Variants in HMCN1 observed in about 807,000 individuals in gnomAD.
The protein encoded by HMCN1 is hemicentin 1.
HMCN1 carries 321 observed loss-of-function variants against 625.9 expected under a neutral mutation model. The ratio of observed to expected loss-of-function variants is 0.51; its 90% CI spans 0.47 to 0.56. HMCN1 has a LOEUF of 0.56. HMCN1 is among the 20% of genes least tolerant of loss of function. HMCN1 has a pLI of 0.00. For synonymous variants in HMCN1, 2,425 were observed against 2,417.6 expected (o/e 1.00, Z -0.09); for missense variants, 6,588 against 6,887.3 (o/e 0.96, Z 1.54).
At chr1:185,750,188 C>T (rs1276388788) in intron 1 of HMCN1, among the ~76,000 whole-genome samples, 3 of 152,080 alleles carry the variant, frequency 2.0e-5, no homozygotes, top group African/African-American at 4.8e-5. Flanking sequence ...TTGGTAGAGC[C>T]TCATGTAAGT....
chr1:186,063,471 AAG>A (rs1346525208), intron 48 of HMCN1, among the ~76,000 whole-genome samples: 4 of 129,886 alleles, frequency 3.1e-5, no homozygotes, highest in Non-Finnish European at 5.0e-5. Context: ...GGAAGGAAGG[AAG>A]GAAGGAAGGA....
chr1:186,170,887 G>A (rs1038454021), intron 100 of HMCN1, among the ~76,000 whole-genome samples: 4 of 152,202 alleles, frequency 2.6e-5, no homozygotes, highest in African/African-American at 9.6e-5. Context: ...TGCTGATGTT[G>A]ATGCAGTCAG....
At chr1:186,129,362 T>C (rs1257772560) in intron 83 of HMCN1, among the ~76,000 whole-genome samples, 1 of 150,864 alleles carries the variant, frequency 6.6e-6, no homozygotes, top group Non-Finnish European at 1.5e-5. Flanking sequence ...AATATAAATT[T>C]TATAAATATT....
At chr1:185,745,343 G>A (rs890302714) in intron 1 of HMCN1, among the ~76,000 whole-genome samples, 4 of 152,208 alleles carry the variant, frequency 2.6e-5, no homozygotes, top group Non-Finnish European at 4.4e-5. Flanking sequence ...CCACGCATCA[G>A]CAGTCTTTCT....
At chr1:185,963,920 A>T (rs1291108219) in intron 13 of HMCN1, 25 bp downstream of exon 13, 2 of 1,598,222 alleles carry the variant, frequency 1.3e-6, no homozygotes, top group Non-Finnish European at 1.7e-6. Flanking sequence ...TTTAAAAGGC[A>T]ATTAAAATAG....
Position 186,145,763 on chromosome 1 carries a change from T to C in HMCN1, c.14448T>C (p.Ser4816=), listed in dbSNP as rs777155012. The change falls in exon 93 of 107, where the codon AGT becomes AGC. Residue 4816 remains serine (S), a synonymous_variant. Coordinates refer to ENST00000271588, the MANE Select transcript of HMCN1 (RefSeq NM_031935.3). Reference sequence around the variant, plus strand: ...CATTCTTGTTCACAGTGGATGGAAGTTGGGGAAGCTGGCATAGTTGGAGCC... The same window carrying C: ...CATTCTTGTTCACAGTGGATGGAAGCTGGGGAAGCTGGCATAGTTGGAGCC... ...CNTDMCPVDG[S]WGSWHSWSQC... 3.7e-6 allele frequency: 6 copies of C among 1,614,120 alleles called. No homozygotes were observed. The highest frequency in any genetic ancestry group is 5.1e-6 in the Non-Finnish European group (6 of 1,179,986).
chr1:186,038,793 T>C (rs1158288487), intron 37 of HMCN1, 36 bp from the exon 38 acceptor site: 1 of 1,374,880 alleles, frequency 7.3e-7, no homozygotes, highest in Non-Finnish European at 1.0e-6. Context: ...TTTAAAAAAT[T>C]TTTACATAGA....
chr1:185,804,364 C>T (rs1448809494), intron 1 of HMCN1, among the ~76,000 whole-genome samples: 1 of 151,868 alleles, frequency 6.6e-6, no homozygotes, highest in Non-Finnish European at 1.5e-5. Context: ...GAGTTGTGGT[C>T]TGTTTGACAG....
chr1:185,800,994 G>A (rs1312943252), intron 1 of HMCN1, among the ~76,000 whole-genome samples: 2 of 152,080 alleles, frequency 1.3e-5, no homozygotes, highest in Admixed American at 6.6e-5. Flanking sequence ...CCTGTACAAA[G>A]CAAAAGATGA....
intron 71 of HMCN1, among the ~76,000 whole-genome samples, chr1:186,109,693 A>G (rs982351260): frequency 2.0e-5 from 3 of 152,244 alleles, no homozygotes; most frequent in African/African-American, 7.2e-5. Flanking sequence ...GCCAGAGAAG[A>G]AAGTGATTCC....
intron 2 of HMCN1, among the ~76,000 whole-genome samples, chr1:185,858,632 T>TTTTTTTTTG (rs1558020125): frequency 8.3e-6 from 1 of 120,966 alleles, no homozygotes; most frequent in African/African-American, 3.3e-5. Context: ...TTTTTTTTTT[T>TTTTTTTTTG]TAGAGACGGG....
At position 186,114,086 on chromosome 1, in the gene HMCN1, A is replaced by T; in HGVS notation, c.11239A>T (p.Arg3747Ter). Residue 3747 changes from arginine (R) to a stop codon, truncating the protein, a stop_gained, in exon 73 of 107, where the codon AGA (arginine) becomes TGA (stop). Transcript: ENST00000271588. LOFTEE classifies it high-confidence loss of function. ...TGTGCCAACTCCAAGGATAACATGG[A>T]GAAAGGATGGAGCTGTTCTAGCTGG... ...EGVPTPRITW[R>*]KDGAVLAGNH... 6.2e-7 allele frequency: 1 copy of T among 1,614,130 alleles called. No homozygotes were observed. The highest frequency in any genetic ancestry group is 8.5e-7 in the Non-Finnish European group (1 of 1,179,978).
At chr1:186,072,833 GC>G (rs1658558335) in intron 52 of HMCN1, among the ~76,000 whole-genome samples, 1 of 152,220 alleles carries the variant, frequency 6.6e-6, no homozygotes, top group Admixed American at 6.5e-5. Context: ...TGCCCCTTGT[GC>G]CAGTTGGCCT....
chr1:185,778,448 T>C (rs1364940937), intron 1 of HMCN1, among the ~76,000 whole-genome samples: 1 of 151,474 alleles, frequency 6.6e-6, no homozygotes, highest in Non-Finnish European at 1.5e-5. Flanking sequence ...CTGCACCCAT[T>C]AACTCGTCAT....
chr1:186,164,154 C>G (rs1651714437), intron 97 of HMCN1, among the ~76,000 whole-genome samples: 1 of 152,074 alleles, frequency 6.6e-6, no homozygotes, highest in African/African-American at 2.4e-5. Context: ...CCTGCATGAG[C>G]AGGCAGACTT....
At chr1:185,738,562 A>G (rs980480378) in intron 1 of HMCN1, among the ~76,000 whole-genome samples, 5 of 152,164 alleles carry the variant, frequency 3.3e-5, no homozygotes, top group African/African-American at 1.2e-4. Flanking sequence ...CTGTTAGTCC[A>G]TGATGGATAT....
At chr1:185,962,484 G>A (rs376630926) in intron 11 of HMCN1, 34 bp from the exon 12 acceptor site, 30 of 1,588,864 alleles carry the variant, frequency 1.9e-5, no homozygotes, top group Non-Finnish European at 2.2e-5. Flanking sequence ...AGATAAATTG[G>A]CATTTTTCTA....
At chr1:186,187,763 T>A in intron 105 of HMCN1, 120 bp from the exon 106 acceptor site, 1 of 1,325,816 alleles carries the variant, frequency 7.5e-7, no homozygotes, top group Non-Finnish European at 1.1e-6. Flanking sequence ...TATGACTAAG[T>A]TCATTCATGG....
In HMCN1 at chr1:186,007,251, A is replaced by C; in HGVS notation, c.4599A>C (p.Lys1533Asn). 1 of 1,613,776 alleles carries C rather than the reference A, an allele frequency of 6.2e-7. No homozygotes were observed. Among genetic ancestry groups the C allele is most frequent in the Non-Finnish European group, 8.5e-7 (1 of 1,179,752 alleles). The change falls in exon 30 of 107, where the codon AAA becomes AAC. Residue 1533 changes from lysine to asparagine, a missense_variant. Physicochemically the swap from Lys to Asn is moderately conservative, Grantham distance 94. This residue lies in a region of HMCN1 where 4,628 missense variants were observed against 4,853.1 expected (regional missense o/e 0.95). Transcript: ENST00000271588. ...GTACTGTGTCTAATGCAGCTGGCAAACAAGCCAAGGATATAAAACTGACTA... is the reference window on the plus strand; with the variant it reads ...GTACTGTGTCTAATGCAGCTGGCAACCAAGCCAAGGATATAAAACTGACTA... ...YQCTVSNAAG[K>N]QAKDIKLTIY...
Sources: allele counts gnomAD v4.1 joint callset (sites outside exome capture counted in the v4.1 genomes callset), GRCh38; gene constraint gnomAD v4.1.1; regional missense constraint gnomAD v4.1.1; transcripts MANE v1.5; gene names NCBI Gene and HGNC (gene_info 2026-07-23, HGNC 2026-07-21).